The following RAPGEF4 variants were observed in gnomAD, a reference collection of about 807,000 sequenced individuals.
RAPGEF4 encodes Rap guanine nucleotide exchange factor 4.
A neutral mutation model predicts 147.9 loss-of-function variants in RAPGEF4; 66 were observed. That is an observed-to-expected ratio of 0.45 (90% CI 0.37 to 0.55). RAPGEF4 has a LOEUF of 0.55. Ranked by LOEUF, RAPGEF4 falls within the 20% of genes least tolerant of loss-of-function variation. The pLI, the probability that RAPGEF4 is intolerant of heterozygous loss-of-function variation, is 0.00. For missense variants in RAPGEF4, 1,071 were observed against 1,257.3 expected (o/e 0.85, Z 2.24); for synonymous variants, 419 against 442.7 (o/e 0.95, Z 0.67).
intron 17 of RAPGEF4, among the ~76,000 whole-genome samples, chr2:173,013,276 G>T (rs143809028): frequency 6.6e-6 from 1 of 152,176 alleles, no homozygotes; most frequent in Non-Finnish European, 1.5e-5. Context: ...CTTGTAGCTC[G>T]CTGTGAGGAA....
chr2:173,031,553 A>T (rs944616174), intron 26 of RAPGEF4, among the ~76,000 whole-genome samples: 6 of 152,202 alleles, frequency 3.9e-5, no homozygotes, highest in African/African-American at 9.6e-5. Flanking sequence ...ATAAAGCCTC[A>T]AAGGGTCCAA....
At chr2:172,850,081 A>G (rs1351370324) in intron 4 of RAPGEF4, among the ~76,000 whole-genome samples, 13 of 152,032 alleles carry the variant, frequency 8.6e-5, no homozygotes, top group Non-Finnish European at 1.5e-5. Flanking sequence ...CTGACCCTTT[A>G]ATTTGACCTG....
intron 4 of RAPGEF4, among the ~76,000 whole-genome samples, chr2:172,834,334 CAT>C (rs1338394942): frequency 6.6e-6 from 1 of 152,086 alleles, no homozygotes; most frequent in African/African-American, 2.4e-5. Context: ...GGGATATAAT[CAT>C]GTGTGGAAAA....
At chr2:172,777,412 TAATCAA>T (rs899126157) in intron 1 of RAPGEF4, among the ~76,000 whole-genome samples, 4 of 151,960 alleles carry the variant, frequency 2.6e-5, no homozygotes, top group African/African-American at 9.7e-5. Context: ...GTGGAGACAA[TAATCAA>T]AATAAATCAG....
chr2:172,753,509 A>G (rs1695485236), intron 1 of RAPGEF4, among the ~76,000 whole-genome samples: 1 of 151,668 alleles, frequency 6.6e-6, no homozygotes, highest in Admixed American at 6.6e-5. Context: ...ATTTGAGTAT[A>G]TTTCTTTTGA....
At chr2:172,999,190 G>A (rs933879189) in intron 16 of RAPGEF4, among the ~76,000 whole-genome samples, 4 of 152,184 alleles carry the variant, frequency 2.6e-5, no homozygotes, top group African/African-American at 9.7e-5. Context: ...TGATGGTAGA[G>A]ACTAGGCTAA....
intron 30 of RAPGEF4, among the ~76,000 whole-genome samples, chr2:173,051,386 AT>A (rs59037995): frequency 1.2e-4 from 18 of 149,976 alleles, no homozygotes; most frequent in South Asian, 4.2e-4. Flanking sequence ...ATTTGGTGCC[AT>A]TTTTTTTTTA....
chr2:172,803,232 G>A (rs771578668), intron 3 of RAPGEF4, among the ~76,000 whole-genome samples: 10 of 152,308 alleles, frequency 6.6e-5, no homozygotes, highest in South Asian at 4.1e-4. Flanking sequence ...CCTAGCAGAC[G>A]TTCTCCATGA....
At chr2:172,877,636 C>G (rs549014027) in intron 4 of RAPGEF4, among the ~76,000 whole-genome samples, 1 of 152,116 alleles carries the variant, frequency 6.6e-6, no homozygotes, top group African/African-American at 2.4e-5. Flanking sequence ...TGCTGGGCTG[C>G]GGCACCAGCT....
chr2:172,899,704 C>T (rs1698866664), intron 4 of RAPGEF4, among the ~76,000 whole-genome samples: 2 of 152,070 alleles, frequency 1.3e-5, no homozygotes, highest in South Asian at 4.2e-4. Flanking sequence ...GATTTAGCAA[C>T]AGTGAAAGAA....
intron 10 of RAPGEF4, among the ~76,000 whole-genome samples, chr2:172,969,817 G>T (rs1690263127): frequency 6.6e-6 from 1 of 152,156 alleles, no homozygotes; most frequent in South Asian, 2.1e-4. Context: ...TGGGAGAAAT[G>T]GGAGTCGCTG....
At chr2:172,815,909 G>A (rs985183841) in intron 4 of RAPGEF4, among the ~76,000 whole-genome samples, 2 of 152,048 alleles carry the variant, frequency 1.3e-5, no homozygotes, top group Admixed American at 6.6e-5. Flanking sequence ...AAAAAGTATA[G>A]TACAATGAAC....
chr2:172,782,816 G>C (rs1684805818), intron 1 of RAPGEF4, among the ~76,000 whole-genome samples: 1 of 152,156 alleles, frequency 6.6e-6, no homozygotes, highest in Non-Finnish European at 1.5e-5. Context: ...AATTATGGTA[G>C]ACTTCTATTT....
intron 1 of RAPGEF4, among the ~76,000 whole-genome samples, chr2:172,767,977 A>T (rs1553506916): frequency 8.6e-5 from 13 of 151,460 alleles, no homozygotes; most frequent in Non-Finnish European, 2.9e-5. Flanking sequence ...TGCCCAGCTC[A>T]TTTTTTTTAT....
chr2:172,977,493 T>G (rs956915833), intron 10 of RAPGEF4, among the ~76,000 whole-genome samples: 1 of 151,990 alleles, frequency 6.6e-6, no homozygotes, highest in African/African-American at 2.4e-5. Flanking sequence ...GGTGAGCCTT[T>G]TCTGAGACAC....
chr2:172,980,438 G>C (rs967639314), intron 10 of RAPGEF4, among the ~76,000 whole-genome samples: 1 of 152,112 alleles, frequency 6.6e-6, no homozygotes, highest in Non-Finnish European at 1.5e-5. Flanking sequence ...CAAAGCCTTG[G>C]GGGCTGAACA....
At chr2:173,048,982 T>C (rs1255164973) in intron 30 of RAPGEF4, among the ~76,000 whole-genome samples, 1 of 152,220 alleles carries the variant, frequency 6.6e-6, no homozygotes, top group East Asian at 1.9e-4. Flanking sequence ...AAACCAACTC[T>C]CTTTATGACT....
rs979535006 is a variant in RAPGEF4 at position 172,771,726 on chromosome 2, T to A, written c.66-23299T>A. 3.3e-5 allele frequency among the ~76,000 whole-genome samples: 5 copies of A among 152,242 alleles called. No homozygotes were observed. The East Asian group carries it at 9.7e-4, about 29-fold the overall frequency. On this transcript the variant is annotated intron_variant, in intron 1 of 30. Transcript: ENST00000397081. ...TCCTGAGTAGCTAGTATTACAGATG[T>A]ACACCACCGTTCCTGGCTTTAAAAT...
At chr2:172,842,564 C>T (rs989335523) in intron 4 of RAPGEF4, among the ~76,000 whole-genome samples, 2 of 152,316 alleles carry the variant, frequency 1.3e-5, no homozygotes, top group South Asian at 4.1e-4. Context: ...AGGATCGCTC[C>T]TGGCACATGT....
Sources: gnomAD v4.1 joint callset for allele counts (sites outside exome capture counted in the v4.1 genomes callset) on GRCh38, gnomAD v4.1.1 for gene constraint, MANE v1.5 for transcripts, NCBI Gene and HGNC (gene_info 2026-07-23, HGNC 2026-07-21) for gene names.